TOX2: variants seen among roughly 807,000 people sequenced by gnomAD.
The protein encoded by TOX2 is TOX high mobility group box family member 2.
In TOX2, 15 loss-of-function variants were observed where a neutral mutation model predicts 47.4. The observed-to-expected ratio is 0.32, with a 90% CI of 0.21 to 0.49. The LOEUF is 0.49. Among genes scored for constraint, TOX2 ranks in the 20% least tolerant of loss-of-function variants. TOX2 has a pLI of 0.99. For synonymous variants in TOX2, 290 were observed against 296.6 expected (o/e 0.98, Z 0.23); for missense variants, 622 against 673.1 (o/e 0.92, Z 0.84).
intron 3 of TOX2, 77 bp downstream of exon 3, chr20:44,006,869 A>G: frequency 6.6e-7 from 1 of 1,513,014 alleles, no homozygotes; most frequent in Non-Finnish European, 8.8e-7. Context: ...AAGAATGTTG[A>G]TGCTTTGATA....
intron 3 of TOX2, among the ~76,000 whole-genome samples, chr20:44,033,318 G>A (rs1000701239): frequency 1.3e-5 from 2 of 152,056 alleles, no homozygotes; most frequent in Admixed American, 6.5e-5. Context: ...AGAGAGCAGT[G>A]TGCCCCTGGG....
chr20:43,976,838 T>C (rs1387373488), intron 2 of TOX2, among the ~76,000 whole-genome samples: 3 of 152,092 alleles, frequency 2.0e-5, no homozygotes, highest in Admixed American at 2.0e-4. Flanking sequence ...TCTCACAATG[T>C]GTTGTCTCAT....
At chr20:43,957,567 C>CTTTT (rs35133028) in intron 1 of TOX2, among the ~76,000 whole-genome samples, 12 of 105,784 alleles carry the variant, frequency 1.1e-4, no homozygotes, top group East Asian at 3.0e-4. Context: ...TAAATGCCCT[C>CTTTT]TTTTTTTTTT....
intron 1 of TOX2, among the ~76,000 whole-genome samples, chr20:43,963,654 C>T (rs2069800831): frequency 1.3e-5 from 2 of 152,070 alleles, no homozygotes; most frequent in Non-Finnish European, 2.9e-5. Flanking sequence ...TGCGTTGTGC[C>T]CAGCAAAGCA....
Position 44,006,609 on chromosome 20 carries a change from C to T in TOX2, c.228C>T (p.Asn76=). 6.2e-7 allele frequency: 1 copy of T among 1,614,168 alleles called. No homozygotes were observed. Among genetic ancestry groups the T allele is most frequent in the Non-Finnish European group, 8.5e-7 (1 of 1,180,034 alleles). The change falls in exon 3 of 9, where the codon AAC becomes AAT. Residue 76 remains asparagine (N), a synonymous_variant. Transcript: ENST00000341197. ...AGATCCCCCCGATAACACCTCCCAACCTCCCGGAGCCATCCCTCCTGCACC... is the reference window on the plus strand; with the variant it reads ...AGATCCCCCCGATAACACCTCCCAATCTCCCGGAGCCATCCCTCCTGCACC... ...DYEIPPITPP[N]LPEPSLLHLG...
rs914049455 is a variant in TOX2 at position 43,995,220 on chromosome 20, T to C, written c.166-11327T>C. Among the ~76,000 whole-genome samples, 17 of 152,250 alleles carry C rather than the reference T, an allele frequency of 1.1e-4. No homozygotes were observed. The East Asian group carries it at 1.2e-3, about 10-fold the overall frequency. On this transcript the variant is annotated intron_variant, in intron 2 of 8. Transcript: ENST00000341197. ...GCTACAATACTCCAGATCTGATGTA[T>C]GGTGAGACTCGAATCAGAAAGATTC...
intron 5 of TOX2, 119 bp from the exon 6 acceptor site, chr20:44,064,658 G>T: frequency 2.1e-6 from 2 of 944,076 alleles, no homozygotes; most frequent in Admixed American, 2.1e-5. Flanking sequence ...CTCAGCTTCT[G>T]ACCCCACCAC....
intron 1 of TOX2, among the ~76,000 whole-genome samples, chr20:43,942,882 A>G (rs770701475): frequency 1.3e-5 from 2 of 152,182 alleles, no homozygotes; most frequent in Non-Finnish European, 2.9e-5. Flanking sequence ...AATCTGAAAA[A>G]TTAAAAAAGA....
chr20:43,994,525 G>A (rs111822725), intron 2 of TOX2, among the ~76,000 whole-genome samples: 153 of 151,688 alleles, frequency 1.0e-3, no homozygotes, highest in African/African-American at 3.4e-3. Context: ...AATGGGGCCA[G>A]TGCCTGCTTC....
At chr20:43,932,638 A>G (rs1369756613) in intron 1 of TOX2, among the ~76,000 whole-genome samples, 2 of 152,234 alleles carry the variant, frequency 1.3e-5, no homozygotes, top group African/African-American at 4.8e-5. Flanking sequence ...TCTTCTCTGC[A>G]CATAGGACTT....
At chr20:43,931,273 C>A (rs989970198) in intron 1 of TOX2, among the ~76,000 whole-genome samples, 2 of 151,770 alleles carry the variant, frequency 1.3e-5, no homozygotes. Flanking sequence ...TGAGTAGCTG[C>A]GACTTCAGGC....
chr20:44,037,823 C>T (rs2071265653), intron 3 of TOX2, among the ~76,000 whole-genome samples: 1 of 152,058 alleles, frequency 6.6e-6, no homozygotes, highest in Admixed American at 6.6e-5. Flanking sequence ...AAAATTGGTA[C>T]CAGTAACGGG....
intron 1 of TOX2, among the ~76,000 whole-genome samples, chr20:43,957,065 T>C (rs1328072593): frequency 4.6e-5 from 7 of 152,288 alleles, no homozygotes; most frequent in Admixed American, 4.6e-4. Context: ...TTAATGCATA[T>C]ATATTTGAAT....
intron 2 of TOX2, among the ~76,000 whole-genome samples, chr20:43,983,944 C>T (rs2070215341): frequency 6.6e-6 from 1 of 152,204 alleles, no homozygotes; most frequent in African/African-American, 2.4e-5. Context: ...CCTCCTGCTG[C>T]TGTTGAAATC....
chr20:43,989,764 A>T (rs2070335060), intron 2 of TOX2, among the ~76,000 whole-genome samples: 1 of 151,082 alleles, frequency 6.6e-6, no homozygotes, highest in African/African-American at 2.4e-5. Context: ...TGGGCAACAG[A>T]GCAAGACTCT....
rs143362336 is a variant in TOX2 at position 43,986,285 on chromosome 20, A to ATGTG, written c.165+12857_165+12860dup. On this transcript the variant is annotated intron_variant, in intron 2 of 8. Coordinates refer to ENST00000341197, the MANE Select transcript of TOX2 (RefSeq NM_001098797.2). ...TATGTATGTATGTATGTATGTATGT[A>ATGTG]TGTGTGTATTTTTTGAGATGGAGTC... 3.6e-4 allele frequency among the ~76,000 whole-genome samples: 55 copies of ATGTG among 151,624 alleles called. No individual in the cohort carries two copies. The Middle Eastern group carries it at 0.01, about 28-fold the overall frequency.
intron 2 of TOX2, among the ~76,000 whole-genome samples, chr20:43,989,568 T>G (rs1216267892): frequency 1.3e-5 from 2 of 152,032 alleles, no homozygotes; most frequent in Admixed American, 1.3e-4. Context: ...TCACTTGAGG[T>G]CAGGAGTTCG....
chr20:44,026,002 T>G (rs2071055690), intron 3 of TOX2, among the ~76,000 whole-genome samples: 1 of 151,900 alleles, frequency 6.6e-6, no homozygotes, highest in Admixed American at 6.6e-5. Flanking sequence ...TCCTCTGACG[T>G]GGCCATGGAG....
At chr20:43,936,600 C>A (rs987964669) in intron 1 of TOX2, among the ~76,000 whole-genome samples, 2 of 152,146 alleles carry the variant, frequency 1.3e-5, no homozygotes, top group African/African-American at 2.4e-5. Context: ...TGGGGGCTGG[C>A]TGGTTGTTGG....
Sources: gnomAD v4.1 joint callset for allele counts (sites outside exome capture counted in the v4.1 genomes callset) on GRCh38, gnomAD v4.1.1 for gene constraint, MANE v1.5 for transcripts, NCBI Gene and HGNC (gene_info 2026-07-23, HGNC 2026-07-21) for gene names.